The following PRKCH variants were observed in gnomAD, a reference collection of about 807,000 sequenced individuals.
The protein encoded by PRKCH is protein kinase C eta.
Under a neutral mutation model 82.5 loss-of-function variants are expected in PRKCH, and 28 were observed. That is an observed-to-expected ratio of 0.34 (90% CI 0.25 to 0.47). The LOEUF (loss-of-function observed/expected upper bound fraction) is 0.47. Ranked by LOEUF, PRKCH falls within the 20% of genes least tolerant of loss-of-function variation. The pLI, the probability that PRKCH is intolerant of heterozygous loss-of-function variation, is 1.00. For synonymous variants in PRKCH, 322 were observed against 327.4 expected (o/e 0.98, Z 0.18); for missense variants, 705 against 881.8 (o/e 0.80, Z 2.54).
chr14:61,389,712 A>G (rs1017234777), intron 1 of PRKCH, among the ~76,000 whole-genome samples: 5 of 151,982 alleles, frequency 3.3e-5, no homozygotes, highest in South Asian at 2.1e-4. Context: ...AAAAAAAAAA[A>G]AGAGAAAAAA....
intron 2 of PRKCH, among the ~76,000 whole-genome samples, chr14:61,414,574 G>A (rs111284039): frequency 7.2e-4 from 106 of 147,214 alleles, no homozygotes; most frequent in African/African-American, 2.5e-3. Flanking sequence ...TGCCCGGCAT[G>A]GGCTTCATTT....
intron 10 of PRKCH, among the ~76,000 whole-genome samples, chr14:61,488,809 T>G (rs1594757019): frequency 6.6e-6 from 1 of 152,308 alleles, no homozygotes; most frequent in East Asian, 1.9e-4. Flanking sequence ...TTGATGTGGT[T>G]TCTGATGAAG....
At chr14:61,394,192 A>G (rs955772898) in intron 2 of PRKCH, among the ~76,000 whole-genome samples, 4 of 152,140 alleles carry the variant, frequency 2.6e-5, no homozygotes, top group African/African-American at 4.8e-5. Flanking sequence ...AAGTTTTTCA[A>G]TATATCGTCT....
At chr14:61,513,734 T>C (rs532083173) in intron 10 of PRKCH, among the ~76,000 whole-genome samples, 2 of 152,268 alleles carry the variant, frequency 1.3e-5, no homozygotes, top group South Asian at 2.1e-4. Flanking sequence ...TAGTTTGTCA[T>C]ACTGTCAAAT....
chr14:61,210,729 T>C (rs2044568525), intron 1 of PRKCH, among the ~76,000 whole-genome samples: 1 of 151,524 alleles, frequency 6.6e-6, no homozygotes, highest in African/African-American at 2.4e-5. Flanking sequence ...TCCCAAGTGA[T>C]CACATTAAAT....
chr14:61,457,560 A>G lies in PRKCH; in HGVS notation c.1159A>G (p.Lys387Glu). The change falls in exon 9 of 14, where the codon AAG becomes GAG. Residue 387 changes from lysine to glutamate, a missense_variant. Lys to Glu is a moderately conservative substitution (Grantham distance 56). Transcript: ENST00000332981. ...TGDLYAVKVL[K>E]KDVILQDDDV... is the part of the protein sequence containing the mutation. ...AGACCTCTATGCTGTGAAGGTGCTG[A>G]AGAAGGACGTGATTCTGCAGGATGA... 6.2e-7 allele frequency: 1 copy of G among 1,614,142 alleles called. No homozygotes were observed. Among genetic ancestry groups the G allele is most frequent in the Non-Finnish European group, 8.5e-7 (1 of 1,180,008 alleles).
chr14:61,256,713 A>G (rs2045000579), intron 1 of PRKCH, among the ~76,000 whole-genome samples: 1 of 152,146 alleles, frequency 6.6e-6, no homozygotes, highest in Non-Finnish European at 1.5e-5. Context: ...TTAAAGTTGT[A>G]TTTGTTGCTC....
At chr14:61,513,751 G>T (rs751091354) in intron 10 of PRKCH, among the ~76,000 whole-genome samples, 2 of 151,968 alleles carry the variant, frequency 1.3e-5, no homozygotes, top group Non-Finnish European at 2.9e-5. Context: ...AAATAGTTTC[G>T]AAAAACTCTG....
chr14:61,330,958 AAAAAATCCTC>A (rs955794353), intron 1 of PRKCH, among the ~76,000 whole-genome samples: 2 of 151,656 alleles, frequency 1.3e-5, no homozygotes, highest in African/African-American at 4.8e-5. Flanking sequence ...ATGAGCTCAA[AAAAAATCCTC>A]AAAAAAATCT....
Position 61,449,233 on chromosome 14 carries a change from T to G in PRKCH, c.683T>G (p.Ile228Ser). 1 of 1,613,636 alleles carries G rather than the reference T, an allele frequency of 6.2e-7. No homozygotes were observed. The highest frequency in any genetic ancestry group is 8.5e-7 in the Non-Finnish European group (1 of 1,179,600). ...ACAGCCTGTACTTGCCAAAACAATATTAACAAAGTGGATTCAAAGGTAAGA... is the reference window on the plus strand; with the variant it reads ...ACAGCCTGTACTTGCCAAAACAATAGTAACAAAGTGGATTCAAAGGTAAGA... ...IVTACTCQNNINKVDSKIAEQ... is the reference protein window; with the variant it reads ...IVTACTCQNNSNKVDSKIAEQ... The change falls in exon 5 of 14, where the codon ATT (isoleucine) becomes AGT (serine). Residue 228 changes from isoleucine (I) to serine (S), a missense_variant. Physicochemically the swap from Ile to Ser is moderately radical, Grantham distance 142. Around this residue, in one of 5 missense-constraint regions of PRKCH, gnomAD observed 246 missense variants for 308.0 expected, o/e 0.80. Transcript: ENST00000332981.
At chr14:61,326,065 C>T (rs1429154708) in intron 1 of PRKCH, among the ~76,000 whole-genome samples, 1 of 152,174 alleles carries the variant, frequency 6.6e-6, no homozygotes, top group Non-Finnish European at 1.5e-5. Flanking sequence ...CTTAAACTAT[C>T]AAACATATGC....
intron 7 of PRKCH, among the ~76,000 whole-genome samples, chr14:61,454,503 C>G (rs970872831): frequency 1.3e-5 from 2 of 152,228 alleles, no homozygotes; most frequent in African/African-American, 4.8e-5. Context: ...CCAGGCAGGA[C>G]AGGTGACCAG....
chr14:61,408,490 G>A (rs1882085881), intron 2 of PRKCH, among the ~76,000 whole-genome samples: 1 of 152,120 alleles, frequency 6.6e-6, no homozygotes, highest in Admixed American at 6.5e-5. Context: ...CATGGGTAGG[G>A]GAGGACCATC....
chr14:61,362,425 C>T (rs2046239819), intron 1 of PRKCH, among the ~76,000 whole-genome samples: 1 of 151,138 alleles, frequency 6.6e-6, no homozygotes, highest in Non-Finnish European at 1.5e-5. Flanking sequence ...TGGCAAACAG[C>T]AAAACCCTTG....
intron 10 of PRKCH, among the ~76,000 whole-genome samples, chr14:61,507,484 A>G (rs551877870): frequency 1.1e-4 from 17 of 152,336 alleles, no homozygotes; most frequent in African/African-American, 4.1e-4. Flanking sequence ...CTGCACTCTC[A>G]TGATCATTGC....
chr14:61,242,220 T>C (rs534251556), intron 1 of PRKCH, among the ~76,000 whole-genome samples: 1 of 152,280 alleles, frequency 6.6e-6, no homozygotes, highest in South Asian at 2.1e-4. Context: ...TGGATTTTAA[T>C]CCACACCTCC....
chr14:61,269,463 A>G lies in PRKCH; in HGVS notation c.-19+81795A>G, dbSNP rs72625618. Among the ~76,000 whole-genome samples the G allele has an allele frequency of 6.5e-3, 985 of 152,146 alleles. 49 individuals are homozygous for G. The East Asian group carries it at 0.13, about 20-fold the overall frequency. ...GTTGTACAGATTATTTCATCACCCAATTATTAAGCCTAGTATCCATTGGCT... is the reference window on the plus strand; with the variant it reads ...GTTGTACAGATTATTTCATCACCCAGTTATTAAGCCTAGTATCCATTGGCT... On this transcript the variant is annotated intron_variant, in intron 1 of 3. Coordinates refer to the PRKCH transcript ENST00000555185.
chr14:61,233,953 C>T (rs145701056), intron 1 of PRKCH, among the ~76,000 whole-genome samples: 1 of 152,270 alleles, frequency 6.6e-6, no homozygotes, highest in East Asian at 1.9e-4. Context: ...CCCTCGGATA[C>T]TATTTCTCTT....
intron 1 of PRKCH, among the ~76,000 whole-genome samples, chr14:61,325,071 A>G (rs557203357): frequency 3.2e-4 from 48 of 152,350 alleles, no homozygotes; most frequent in African/African-American, 1.1e-3. Flanking sequence ...TAGGTTCAGT[A>G]TAATCTCAGT....
Sources: allele counts gnomAD v4.1 joint callset (sites outside exome capture counted in the v4.1 genomes callset), GRCh38; gene constraint gnomAD v4.1.1; regional missense constraint gnomAD v4.1.1; transcripts MANE v1.5; gene names NCBI Gene and HGNC (gene_info 2026-07-23, HGNC 2026-07-21).